MYCBP2: variants seen among roughly 807,000 people sequenced by gnomAD.
MYCBP2 encodes the protein E3 ubiquitin-protein ligase MYCBP2.
Under a neutral mutation model 525.3 loss-of-function variants are expected in MYCBP2, and 120 were observed. The ratio of observed to expected loss-of-function variants is 0.23; its 90% CI spans 0.20 to 0.27. The LOEUF (loss-of-function observed/expected upper bound fraction) is 0.27, where lower values mean the gene tolerates loss of function less well. Among genes scored for constraint, MYCBP2 ranks in the 10% least tolerant of loss-of-function variants. MYCBP2 has a pLI of 1.00. For missense variants in MYCBP2, 4,149 were observed against 5,657.1 expected (o/e 0.73, Z 8.55); for synonymous variants, 1,894 against 1,955.8 (o/e 0.97, Z 0.83).
chr13:77,275,368 C>T, intron 4 of MYCBP2, among the ~76,000 whole-genome samples: 1 of 152,240 alleles, frequency 6.6e-6, no homozygotes, highest in South Asian at 2.1e-4. Context: ...CCTTCACTCT[C>T]CACATTCTAG....
At chr13:77,096,097 A>T (rs1355430867) in intron 57 of MYCBP2, among the ~76,000 whole-genome samples, 1 of 152,166 alleles carries the variant, frequency 6.6e-6, no homozygotes, top group Non-Finnish European at 1.5e-5. Context: ...TATGTAGCAG[A>T]GGTTATCTAG....
At chr13:77,142,193 G>T (rs1048944034) in intron 49 of MYCBP2, among the ~76,000 whole-genome samples, 3 of 152,106 alleles carry the variant, frequency 2.0e-5, no homozygotes, top group Admixed American at 2.0e-4. Context: ...ACTGTAATTT[G>T]TATGTCTTGT....
intron 8 of MYCBP2, 105 bp downstream of exon 8, chr13:77,267,736 A>G (rs2074306121): frequency 1.2e-6 from 1 of 866,580 alleles, no homozygotes; most frequent in East Asian, 2.4e-5. Context: ...ACCCTTTTAT[A>G]AGCAAGCACT....
Position 77,150,983 on chromosome 13 carries a change from ATTAT to A in MYCBP2, c.6916-38_6916-35del, listed in dbSNP as rs561846155. Reference sequence around the variant, plus strand: ...GGTATTATAGAAACCAAATACCATTATTATTTAATTGTCACTGACATCAAAATAA... The same window carrying A: ...GGTATTATAGAAACCAAATACCATTATTAATTGTCACTGACATCAAAATAA... On this transcript the variant is annotated intron_variant, in intron 46 of 82. Transcript: ENST00000544440. The A allele has an allele frequency of 8.6e-4, 1,306 of 1,517,718 alleles. 9 individuals carry two copies. The African/African-American group carries it at 0.015, about 18-fold the overall frequency. The allele number at this position is 1,517,718 out of a possible 1,614,324, so 94.0% of individuals were successfully genotyped here.
At chr13:77,144,982 A>G (rs1055790244) in intron 48 of MYCBP2, among the ~76,000 whole-genome samples, 5 of 152,110 alleles carry the variant, frequency 3.3e-5, no homozygotes, top group Non-Finnish European at 5.9e-5. Context: ...GTTCTCTCTC[A>G]TGCATCATCA....
At chr13:77,175,929 C>T (rs1221739247) in intron 36 of MYCBP2, among the ~76,000 whole-genome samples, 1 of 151,088 alleles carries the variant, frequency 6.6e-6, no homozygotes, top group Non-Finnish European at 1.5e-5. Flanking sequence ...TGCACTCCAG[C>T]CTGGGCGACA....
chr13:77,266,726 C>T (rs907704715), intron 8 of MYCBP2, among the ~76,000 whole-genome samples: 2 of 115,862 alleles, frequency 1.7e-5, no homozygotes, highest in Non-Finnish European at 3.3e-5. Flanking sequence ...TGACCAAAGA[C>T]ATGGTCCAGG....
At chr13:77,211,906 T>C in intron 22 of MYCBP2, 50 bp downstream of exon 22, 2 of 1,394,070 alleles carry the variant, frequency 1.4e-6, no homozygotes, top group Non-Finnish European at 2.0e-6. Context: ...CCATTTACTA[T>C]CAATCAAGAC....
chr13:77,278,789 T>C lies in MYCBP2; in HGVS notation c.717A>G (p.Glu239=). The change falls in exon 4 of 83, where the codon GAA becomes GAG. Residue 239 remains glutamate (E), a synonymous_variant. Transcript: ENST00000544440. The part of the protein sequence containing the change: ...LLNVLQGQQP[E]GLQSEPPEVL... ...CCTCAGGTGGCTCAGACTGGAGGCC[T>C]TCTGGCTGCTGGCCCTGCAGCACGT... 6.3e-7 allele frequency: 1 copy of C among 1,580,592 alleles called. No individual in the cohort carries two copies. Among genetic ancestry groups the C allele is most frequent in the Non-Finnish European group, 8.6e-7 (1 of 1,165,550 alleles).
rs1334047693 is a variant in MYCBP2, at chr13:77,211,971, T to A, written c.3247A>T (p.Ser1083Cys). 1 of 1,613,998 alleles carries A rather than the reference T, an allele frequency of 6.2e-7. No individual in the cohort carries two copies. Among genetic ancestry groups the A allele is most frequent in the Non-Finnish European group, 8.5e-7 (1 of 1,179,878 alleles). Reference sequence around the variant, plus strand: ...CTGGTATTACCTATTATGTGTTTACTGGCAAAAATTTCTGATGTAGCAAGT... The same window carrying A: ...CTGGTATTACCTATTATGTGTTTACAGGCAAAAATTTCTGATGTAGCAAGT... ...HVLATSEIFA[S>C]KHIIGLVPAS... The change falls in exon 22 of 83, where the codon AGT becomes TGT. Residue 1083 changes from serine to cysteine, a missense_variant. Ser to Cys is a moderately radical substitution (Grantham distance 112, BLOSUM62 -1). Coordinates refer to ENST00000544440, the MANE Select transcript of MYCBP2 (RefSeq NM_015057.5).
At chr13:77,292,725 A>G (rs990473139) in intron 2 of MYCBP2, among the ~76,000 whole-genome samples, 3 of 152,058 alleles carry the variant, frequency 2.0e-5, no homozygotes, top group Non-Finnish European at 2.9e-5. Flanking sequence ...TTGGGAGGCC[A>G]AGGCGGGTGG....
intron 38 of MYCBP2, 89 bp downstream of exon 38, chr13:77,171,403 T>C: frequency 3.1e-6 from 4 of 1,309,896 alleles, no homozygotes; most frequent in Non-Finnish European, 1.1e-6. Flanking sequence ...TAAAATTGTA[T>C]AATAGAAGGC....
At chr13:77,192,730 T>C (rs2061402898) in intron 27 of MYCBP2, among the ~76,000 whole-genome samples, 1 of 152,236 alleles carries the variant, frequency 6.6e-6, no homozygotes, top group Non-Finnish European at 1.5e-5. Flanking sequence ...ATGCTCCCAA[T>C]GCCTTAGGAG....
chr13:77,218,976 T>A (rs190639361), intron 20 of MYCBP2, among the ~76,000 whole-genome samples: 3 of 152,164 alleles, frequency 2.0e-5, no homozygotes, highest in Non-Finnish European at 4.4e-5. Flanking sequence ...AGGAACAGAA[T>A]TGATGAAACT....
At position 77,097,412 on chromosome 13, in the gene MYCBP2, G is replaced by A. The variant is rs761874617; in HGVS notation, c.9742C>T (p.His3248Tyr). The part of the protein sequence containing the change: ...DTICELCGES[H>Y]PYPVTYHMRQ... ...ATGTGATAGGTCACCGGGTATGGAT[G>A]TGACTCCCCACACAGTTCACAGATG... is the stretch of plus-strand genomic sequence containing the variant. Residue 3248 changes from histidine (H) to tyrosine (Y), a missense_variant, in exon 56 of 83, where the codon CAT becomes TAT. Physicochemically the swap from His to Tyr is moderately conservative, Grantham distance 83. Around this residue, in one of 21 missense-constraint regions of MYCBP2, gnomAD observed 26 missense variants for 48.2 expected, o/e 0.54. Coordinates refer to ENST00000544440, the MANE Select transcript of MYCBP2 (RefSeq NM_015057.5). The A allele has an allele frequency of 1.9e-6, 3 of 1,612,506 alleles. No individual in the cohort carries two copies. In the African/African-American group the frequency reaches 4.0e-5, roughly 22 times the overall value.
rs374435633 is a variant in MYCBP2, at chr13:77,171,533, C to T, written c.5753G>A (p.Arg1918Gln). ...RALSVVSTVV[R>Q]ASKDLLHRAL... ...TCTGTGCAGGAGGTCCTTAGAGGCT[C>T]GAACGACAGTGCTTACAACAGACAA... The change falls in exon 38 of 83, where the codon CGA becomes CAA. Residue 1918 changes from arginine to glutamine, a missense_variant. By Grantham distance (43) the Arg-to-Gln change is conservative. Transcript: ENST00000544440. 238 of 1,613,966 alleles carry T rather than the reference C, an allele frequency of 1.5e-4. 1 individual carries two copies. The highest frequency in any genetic ancestry group is 1.0e-3 in the Admixed American group (62 of 60,006).
intron 17 of MYCBP2, among the ~76,000 whole-genome samples, chr13:77,236,732 T>C (rs2067982904): frequency 6.6e-6 from 1 of 152,018 alleles, no homozygotes; most frequent in Non-Finnish European, 1.5e-5. Context: ...TTTCCAAGAA[T>C]TAAAAAGAAT....
rs2046409982 is a variant in MYCBP2, at chr13:77,097,276, A to ATC, written c.9784+92_9784+93dup. 6.7e-6 allele frequency: 10 copies of ATC among 1,486,268 alleles called. 1 individual carries two copies. In the South Asian group the frequency reaches 1.4e-4, roughly 21 times the overall value. 92.1% of individuals were successfully genotyped at this position (1,486,268 alleles called of 1,614,324 possible). On this transcript the variant is annotated intron_variant, in intron 56 of 82. Coordinates refer to ENST00000544440, the MANE Select transcript of MYCBP2 (RefSeq NM_015057.5). ...CATTCTAAGATACTATAAATTCCCT[A>ATC]TCCTTTGACAAAATTCATAGAACAG...
chr13:77,164,491 T>C lies in MYCBP2; in HGVS notation c.6510A>G (p.Ala2170=), dbSNP rs918686241. The C allele has an allele frequency of 1.9e-6, 3 of 1,613,532 alleles. No homozygotes were observed. The highest frequency in any genetic ancestry group is 1.7e-5 in the Admixed American group (1 of 60,026). ...KELANLGGVC[A]AALMKKDLAL... is the part of the protein sequence containing the mutation. Reference sequence around the variant, plus strand: ...CTAGGTCCTTCTTCATCAGAGCTGCTGCACAAACCCCACCAAGATTGGCTA... The same window carrying C: ...CTAGGTCCTTCTTCATCAGAGCTGCCGCACAAACCCCACCAAGATTGGCTA... The change falls in exon 43 of 83, where the codon GCA becomes GCG. Residue 2170 remains alanine, a synonymous_variant. Coordinates refer to ENST00000544440, the MANE Select transcript of MYCBP2 (RefSeq NM_015057.5).
Sources: gnomAD v4.1 joint callset for allele counts (sites outside exome capture counted in the v4.1 genomes callset) on GRCh38, gnomAD v4.1.1 for gene constraint, gnomAD v4.1.1 regional missense constraint, MANE v1.5 for transcripts, NCBI Gene and HGNC (gene_info 2026-07-23, HGNC 2026-07-21) for gene names.